Variants in TMEM106A observed in about 807,000 individuals in gnomAD.
TMEM106A encodes transmembrane protein 106A.
Under a neutral mutation model 25.1 loss-of-function variants are expected in TMEM106A, and 22 were observed. That is an observed-to-expected ratio of 0.88 (90% confidence interval 0.63 to 1.25). TMEM106A has a LOEUF of 1.25. TMEM106A is among the 50% of genes most tolerant of loss of function. The pLI, the probability that TMEM106A is intolerant of heterozygous loss-of-function variation, is 0.00. For missense variants in TMEM106A, 275 were observed against 318.1 expected, an observed-to-expected ratio of 0.86 and a Z score of 1.03; for synonymous variants, 104 against 129.9, an observed-to-expected ratio of 0.80 and a Z score of 1.35.
intron 3 of TMEM106A, 114 bp from the exon 4 acceptor site, chr17:43,213,714 A>T: frequency 5.8e-6 from 6 of 1,033,852 alleles, no homozygotes; most frequent in Non-Finnish European, 8.8e-6. Flanking sequence ...CAGATGTGGC[A>T]TGTTTCTAAC....
At chr17:43,212,989 C>A in intron 2 of TMEM106A, 32 bp from the exon 3 acceptor site, 1 of 1,557,994 alleles carries the variant, frequency 6.4e-7, no homozygotes, top group Non-Finnish European at 8.8e-7. Context: ...TGCTAACAAG[C>A]TTAGCACTGA....
At position 43,215,699 on chromosome 17, in the gene TMEM106A, T is replaced by C. The variant is rs2057478350; in HGVS notation, c.276-89T>C. 4 of 1,419,846 alleles carry C rather than the reference T, an allele frequency of 2.8e-6. No individual in the cohort carries two copies. In the Admixed American group the frequency reaches 7.2e-5, roughly 26 times the overall value. 88.0% of individuals were successfully genotyped at this position (1,419,846 alleles called of 1,614,324 possible). On this transcript the variant is annotated intron_variant, in intron 4 of 8. Transcript: ENST00000612339. Reference sequence around the variant, plus strand: ...GTAGTGTGCAGGGGAAAGCTTTGTATATGGAGAGGAGTGTCTGAACCCCCT... The same window carrying C: ...GTAGTGTGCAGGGGAAAGCTTTGTACATGGAGAGGAGTGTCTGAACCCCCT...
In TMEM106A at chr17:43,216,484, C is replaced by T; in HGVS notation, c.465C>T (p.Pro155=). The T allele has an allele frequency of 1.2e-6, 2 of 1,614,230 alleles. No homozygotes were observed. Among genetic ancestry groups the T allele is most frequent in the Non-Finnish European group, 1.7e-6 (2 of 1,180,040 alleles). Residue 155 remains proline (P), a synonymous_variant, in exon 6 of 9, where the codon CCC becomes CCT. Coordinates refer to ENST00000612339, the MANE Select transcript of TMEM106A (RefSeq NM_145041.4). ...ILNISNGNYY[P]IMVTQLTLEV... ...ACATCTCCAATGGCAACTACTACCC[C>T]ATTATGGTGACACAGCTGACCCTCG... is the stretch of plus-strand genomic sequence containing the variant.
chr17:43,213,958 CT>C (rs1478266694), intron 4 of TMEM106A, 67 bp downstream of exon 4: 50 of 1,502,736 alleles, frequency 3.3e-5, no homozygotes, highest in Non-Finnish European at 4.3e-5. Context: ...TTTGTCTCCC[CT>C]GTTTTGATCT....
intron 8 of TMEM106A, 84 bp from the exon 9 acceptor site, chr17:43,217,597 C>G: frequency 6.4e-7 from 1 of 1,555,972 alleles, no homozygotes; most frequent in Non-Finnish European, 8.7e-7. Flanking sequence ...GGGAGCTCCC[C>G]GCTCCCCACC....
At chr17:43,212,582 G>T (rs2057443098) in intron 2 of TMEM106A, among the ~76,000 whole-genome samples, 188 bp downstream of exon 2, 1 of 152,116 alleles carries the variant, frequency 6.6e-6, no homozygotes, top group Non-Finnish European at 1.5e-5. Context: ...TTCTCCCAGG[G>T]CTTCTTTAGA....
rs2057439154 is a variant in TMEM106A at position 43,212,285 on chromosome 17, T to C, written c.-131T>C. 6.5e-6 allele frequency: 1 copy of C among 152,894 alleles called. No homozygotes were observed. Among genetic ancestry groups the C allele is most frequent in the Non-Finnish European group, 1.5e-5 (1 of 68,456 alleles). 9.5% of individuals were successfully genotyped at this position (152,894 alleles called of 1,614,324 possible). A position where few individuals can be genotyped will look rare whatever the true frequency, so the allele number is the denominator to read the frequency against. ...TCTCCCCACCACCGCCCAGCTCAGC[T>C]CAGCCCAGCCCAGCCCACTCTGCCC... On this transcript the variant is annotated 5_prime_UTR_variant, in exon 2 of 9. Coordinates refer to ENST00000612339, the MANE Select transcript of TMEM106A (RefSeq NM_145041.4).
chr17:43,213,354 C>G lies in TMEM106A; in HGVS notation c.211+102C>G, dbSNP rs935603471. 3 of 1,215,144 alleles carry G rather than the reference C, an allele frequency of 2.5e-6. No homozygotes were observed. In the African/African-American group the frequency reaches 4.5e-5, roughly 18 times the overall value. 75.3% of individuals were successfully genotyped at this position (1,215,144 alleles called of 1,614,324 possible). On this transcript the variant is annotated intron_variant, in intron 3 of 8. Coordinates refer to ENST00000612339, the MANE Select transcript of TMEM106A (RefSeq NM_145041.4). ...TGAGTCTCCTTGGATGGGGTTAGAT[C>G]TGCTCCCAGCTCTTGACCTCCCAGT...
In TMEM106A at chr17:43,211,938, G is replaced by C. The variant is rs925488978; in HGVS notation, c.-190+16G>C. The C allele has an allele frequency of 2.0e-5, 3 of 152,368 alleles. No individual in the cohort carries two copies. In the East Asian group the frequency reaches 5.8e-4, roughly 29 times the overall value. 9.4% of individuals were successfully genotyped at this position (152,368 alleles called of 1,614,324 possible). On this transcript the variant is annotated intron_variant, in intron 1 of 8. Transcript: ENST00000612339. ...TCGTCCGCGGGTAAGGCCCTCCCTA[G>C]ACCCTTTATACCTACTTTACCTTTC...
Position 43,216,564 on chromosome 17 carries a change from A to G in TMEM106A, c.545A>G (p.His182Arg). ...CAGGTTTCCAACAACCTTCTCCTAC[A>G]CATTGGCCCTTTGGCCAGTGAACAG... is the stretch of plus-strand genomic sequence containing the variant. ...VGQVSNNLLL[H>R]IGPLASEQMF... The change falls in exon 6 of 9, where the codon CAC becomes CGC. Residue 182 changes from histidine (H) to arginine (R), a missense_variant. By Grantham distance (29) the His-to-Arg change is conservative. Coordinates refer to ENST00000612339, the MANE Select transcript of TMEM106A (RefSeq NM_145041.4). 1 of 1,614,166 alleles carries G rather than the reference A, an allele frequency of 6.2e-7. No individual in the cohort carries two copies. Among genetic ancestry groups the G allele is most frequent in the Non-Finnish European group, 8.5e-7 (1 of 1,180,022 alleles).
At chr17:43,216,676 C>G (rs1478746276) in intron 6 of TMEM106A, 21 bp from the exon 7 acceptor site, 1 of 1,614,076 alleles carries the variant, frequency 6.2e-7, no homozygotes, top group Non-Finnish European at 8.5e-7. Context: ...GGGGCTAACC[C>G]TGTGCCCATT....
Position 43,215,834 on chromosome 17 carries a change from T to G in TMEM106A, c.322T>G (p.Ser108Ala). 6.2e-7 allele frequency: 1 copy of G among 1,614,106 alleles called. No individual in the cohort carries two copies. The highest frequency in any genetic ancestry group is 8.5e-7 in the Non-Finnish European group (1 of 1,180,012). Reference protein sequence around the residue: ...LAVLICLVTSSFIVFFLFPRS... With the variant: ...LAVLICLVTSAFIVFFLFPRS... Reference sequence around the variant, plus strand: ...CGTGCTCATCTGCCTGGTGACCTCCTCCTTCATCGTCTTTTTCCTGTTTCC... The same window carrying G: ...CGTGCTCATCTGCCTGGTGACCTCCGCCTTCATCGTCTTTTTCCTGTTTCC... Residue 108 changes from serine to alanine, a missense_variant, in exon 5 of 9, where the codon TCC (serine) becomes GCC (alanine). Physicochemically the swap from Ser to Ala is moderately conservative, Grantham distance 99. Coordinates refer to ENST00000612339, the MANE Select transcript of TMEM106A (RefSeq NM_145041.4).
chr17:43,213,628 C>G (rs1272399585), intron 3 of TMEM106A, among the ~76,000 whole-genome samples, 200 bp from the exon 4 acceptor site: 1 of 152,232 alleles, frequency 6.6e-6, no homozygotes, highest in Non-Finnish European at 1.5e-5. Context: ...GGAAATCTCA[C>G]TTCCATTCTA....
intron 5 of TMEM106A, 56 bp from the exon 6 acceptor site, chr17:43,216,393 G>A (rs1222510301): frequency 6.3e-7 from 1 of 1,599,538 alleles, no homozygotes; most frequent in Non-Finnish European, 8.6e-7. Context: ...CAACTGTTTG[G>A]CTTTTCCTAA....
chr17:43,215,271 A>C (rs1328203659), intron 4 of TMEM106A, among the ~76,000 whole-genome samples: 1 of 152,162 alleles, frequency 6.6e-6, no homozygotes. Flanking sequence ...AGAAATTAGC[A>C]GTGCACATCA....
In TMEM106A at chr17:43,217,262, A is replaced by G. The variant is rs1902196371; in HGVS notation, c.618A>G (p.Lys206=). The change falls in exon 8 of 9, where the codon AAA becomes AAG. Residue 206 remains lysine (K), a synonymous_variant. Coordinates refer to ENST00000612339, the MANE Select transcript of TMEM106A (RefSeq NM_145041.4). ...GTTCTCTTTTCTTCTCTCTCAGCAA[A>G]ATCTGTACCTGGCTGGAAATCAAAG... The part of the protein sequence containing the change: ...ATKIRDENTY[K]ICTWLEIKVH... The G allele has an allele frequency of 6.2e-7, 1 of 1,614,150 alleles. No individual in the cohort carries two copies. The highest frequency in any genetic ancestry group is 8.5e-7 in the Non-Finnish European group (1 of 1,180,030).
intron 5 of TMEM106A, 148 bp from the exon 6 acceptor site, chr17:43,216,301 T>C (rs894126074): frequency 1.7e-6 from 2 of 1,144,336 alleles, no homozygotes; most frequent in Admixed American, 2.0e-5. Flanking sequence ...TCAATGCCCC[T>C]CCAAGGGGCT....
At chr17:43,216,325 C>G in intron 5 of TMEM106A, 124 bp from the exon 6 acceptor site, 2 of 1,346,182 alleles carry the variant, frequency 1.5e-6, no homozygotes, top group South Asian at 2.6e-5. Context: ...AGTTTTCATC[C>G]TCTGCACCTG....
rs1323123769 is a variant in TMEM106A, at chr17:43,213,170, T to C, written c.129T>C (p.Cys43=). ...YSSTGSSKSF[C]SCVPCEGTAD... is the part of the protein sequence containing the mutation. ...GCACCGGTAGCAGCAAGTCTTTTTGTTCCTGTGTGCCTTGTGAAGGAACTG... is the reference window on the plus strand; with the variant it reads ...GCACCGGTAGCAGCAAGTCTTTTTGCTCCTGTGTGCCTTGTGAAGGAACTG... The change falls in exon 3 of 9, where the codon TGT becomes TGC. Residue 43 remains cysteine (C), a synonymous_variant. Transcript: ENST00000612339. 2.5e-6 allele frequency: 4 copies of C among 1,614,232 alleles called. No homozygotes were observed. Among genetic ancestry groups the C allele is most frequent in the Non-Finnish European group, 3.4e-6 (4 of 1,180,044 alleles).
Sources: gnomAD v4.1 joint callset for allele counts (sites outside exome capture counted in the v4.1 genomes callset) on GRCh38, gnomAD v4.1.1 for gene constraint, MANE v1.5 for transcripts, NCBI Gene and HGNC (gene_info 2026-07-23, HGNC 2026-07-21) for gene names.